The following SYCP1 variants were observed in gnomAD, a reference collection of about 807,000 sequenced individuals.
SYCP1 encodes the protein synaptonemal complex protein 1, also known as cancer/testis antigen 8.
Under a neutral mutation model 153.1 loss-of-function variants are expected in SYCP1, and 64 were observed. That is an observed-to-expected ratio of 0.42 (90% CI 0.34 to 0.51). The LOEUF (loss-of-function observed/expected upper bound fraction) is 0.51. Among genes scored for constraint, SYCP1 ranks in the 20% least tolerant of loss-of-function variants. The pLI is 0.06. For missense variants in SYCP1, 997 were observed against 1,049.0 expected, an observed-to-expected ratio of 0.95 and a Z score of 0.68; for synonymous variants, 384 against 341.8, an observed-to-expected ratio of 1.12 and a Z score of -1.36.
At chr1:114,925,964 A>AT (rs150364124) in intron 21 of SYCP1, among the ~76,000 whole-genome samples, 16 of 150,640 alleles carry the variant, frequency 1.1e-4, no homozygotes, top group South Asian at 2.1e-4. Flanking sequence ...TACAAAGATA[A>AT]TTTTTTTTTT....
intron 27 of SYCP1, among the ~76,000 whole-genome samples, chr1:114,977,239 G>T (rs767956524): frequency 6.6e-6 from 1 of 151,572 alleles, no homozygotes; most frequent in Non-Finnish European, 1.5e-5. Flanking sequence ...TTACTTGTGC[G>T]TATCTCTCAT....
At chr1:114,917,430 G>A (rs1668576759) in intron 20 of SYCP1, among the ~76,000 whole-genome samples, 1 of 152,128 alleles carries the variant, frequency 6.6e-6, no homozygotes, top group Non-Finnish European at 1.5e-5. Context: ...ATTGGCCATT[G>A]TGAACAGTGC....
chr1:114,868,109 G>A (rs1280300027), intron 8 of SYCP1, among the ~76,000 whole-genome samples: 1 of 150,916 alleles, frequency 6.6e-6, no homozygotes, highest in Non-Finnish European at 1.5e-5. Flanking sequence ...CCATTTGGTT[G>A]TGTTGTATAA....
At chr1:114,934,988 G>C (rs906079215) in intron 23 of SYCP1, among the ~76,000 whole-genome samples, 16 of 152,084 alleles carry the variant, frequency 1.1e-4, no homozygotes, top group Non-Finnish European at 1.9e-4. Flanking sequence ...GTCAACATTA[G>C]ACAGATCAAT....
intron 16 of SYCP1, among the ~76,000 whole-genome samples, chr1:114,896,888 T>A (rs1391587374): frequency 6.6e-6 from 1 of 152,130 alleles, no homozygotes; most frequent in African/African-American, 2.4e-5. Context: ...CAGGCTTTAT[T>A]TGGTGAAAAG....
intron 23 of SYCP1, among the ~76,000 whole-genome samples, chr1:114,935,265 A>G (rs1358594977): frequency 2.0e-5 from 3 of 152,078 alleles, no homozygotes; most frequent in Non-Finnish European, 4.4e-5. Context: ...ACTCAAAACC[A>G]CTCAACTACA....
intron 27 of SYCP1, among the ~76,000 whole-genome samples, chr1:114,960,163 GTTTTT>G (rs757126453): frequency 9.1e-6 from 1 of 109,476 alleles, no homozygotes; most frequent in Non-Finnish European, 1.8e-5. Flanking sequence ...TAGTTTGCTT[GTTTTT>G]TTTTTTTTTT....
chr1:114,878,734 G>C (rs1038197550), intron 12 of SYCP1, among the ~76,000 whole-genome samples: 37 of 152,208 alleles, frequency 2.4e-4, no homozygotes, highest in Admixed American at 2.4e-3. Flanking sequence ...CTAGAGACGG[G>C]TTTTCGCCTT....
At chr1:114,874,451 T>G in intron 8 of SYCP1, 55 bp from the exon 9 acceptor site, 1 of 1,060,840 alleles carries the variant, frequency 9.4e-7, no homozygotes, top group Non-Finnish European at 1.4e-6. Flanking sequence ...TTGAGTATTG[T>G]CTTGTTGACA....
intron 27 of SYCP1, among the ~76,000 whole-genome samples, chr1:114,960,434 C>T (rs906148222): frequency 1.3e-5 from 2 of 152,174 alleles, no homozygotes; most frequent in Non-Finnish European, 2.9e-5. Context: ...TCCCTAAGTG[C>T]TGGGATTACG....
intron 8 of SYCP1, among the ~76,000 whole-genome samples, chr1:114,869,421 A>C (rs1466677567): frequency 6.6e-6 from 1 of 152,052 alleles, no homozygotes. Flanking sequence ...TAATCTTTTA[A>C]ATTTGTTAAG....
chr1:114,932,475 G>C (rs1416960042), intron 23 of SYCP1, among the ~76,000 whole-genome samples: 2 of 152,192 alleles, frequency 1.3e-5, no homozygotes, highest in Non-Finnish European at 2.9e-5. Flanking sequence ...CCAGTCTACA[G>C]CTCCCAGCAT....
intron 30 of SYCP1, among the ~76,000 whole-genome samples, chr1:114,985,769 C>G (rs1242606592): frequency 6.6e-6 from 1 of 151,460 alleles, no homozygotes; most frequent in Non-Finnish European, 1.5e-5. Context: ...AACTGTGAAC[C>G]AGGTACTATT....
At chr1:114,875,269 T>C (rs1665433750) in intron 9 of SYCP1, among the ~76,000 whole-genome samples, 1 of 148,008 alleles carries the variant, frequency 6.8e-6, no homozygotes, top group Admixed American at 6.7e-5. Context: ...TTCTTTTTTT[T>C]TTTTTTTTTT....
intron 8 of SYCP1, among the ~76,000 whole-genome samples, chr1:114,873,608 A>G (rs1273358857): frequency 6.6e-6 from 1 of 152,184 alleles, no homozygotes; most frequent in African/African-American, 2.4e-5. Context: ...TAAGAACGGG[A>G]CATATTGGTA....
chr1:114,979,571 G>C (rs924281646), intron 28 of SYCP1, among the ~76,000 whole-genome samples: 1 of 151,642 alleles, frequency 6.6e-6, no homozygotes. Flanking sequence ...ACATTTTGGC[G>C]GTTCCAAAGT....
At chr1:114,947,454 GC>G in intron 27 of SYCP1, 134 bp downstream of exon 27, 1 of 629,280 alleles carries the variant, frequency 1.6e-6, no homozygotes, top group South Asian at 2.3e-5. Flanking sequence ...TCCCCCAGAA[GC>G]TTTTTTCTAG....
chr1:114,886,282 A>G lies in SYCP1; in HGVS notation c.1163A>G (p.Glu388Gly), dbSNP rs866368483. The G allele has an allele frequency of 6.3e-7, 1 of 1,595,618 alleles. No homozygotes were observed. The highest frequency in any genetic ancestry group is 1.4e-5 in the African/African-American group (1 of 73,974). ...TEFETTVCSL[E>G]ELLRTEQQRL... ...TTTGAAACTACTGTCTGCAGCTTGG[A>G]AGAATTATTGAGAACAGAACAGCAA... Residue 388 changes from glutamate to glycine, a missense_variant, in exon 14 of 32, where the codon GAA (glutamate) becomes GGA (glycine). Transcript: ENST00000369522.
At chr1:114,945,098 C>T (rs1670625552) in intron 25 of SYCP1, 116 bp downstream of exon 25, 3 of 733,656 alleles carry the variant, frequency 4.1e-6, no homozygotes, top group African/African-American at 3.6e-5. Context: ...GTCTATGCAA[C>T]AGTGACTGTC....
Sources: gnomAD v4.1 joint callset for allele counts (sites outside exome capture counted in the v4.1 genomes callset) on GRCh38, gnomAD v4.1.1 for gene constraint, MANE v1.5 for transcripts, NCBI Gene and HGNC (gene_info 2026-07-23, HGNC 2026-07-21) for gene names.